Variants in ANKRD63 observed in about 807,000 individuals in gnomAD.
ANKRD63 encodes the protein ankyrin repeat domain-containing protein 63.
ANKRD63 carries 18 observed loss-of-function variants against 21.2 expected under a neutral mutation model. The ratio of observed to expected loss-of-function variants is 0.85; its 90% CI spans 0.59 to 1.26. The LOEUF is 1.26. Ranked by LOEUF, ANKRD63 falls within the 50% of genes most tolerant of loss-of-function variation. The pLI, the probability that ANKRD63 is intolerant of heterozygous loss-of-function variation, is 0.00. For missense variants in ANKRD63, 523 were observed against 570.9 expected (o/e 0.92, Z 0.85); for synonymous variants, 322 against 273.3 (o/e 1.18, Z -1.76).
rs2039560769 is a variant in ANKRD63, at chr15:40,282,738, C to G, written c.-152G>C. Among the ~76,000 whole-genome samples, 1 of 152,196 alleles carries G rather than the reference C, an allele frequency of 6.6e-6. No individual in the cohort carries two copies. Among genetic ancestry groups the G allele is most frequent in the Non-Finnish European group, 1.5e-5 (1 of 68,016 alleles). ...GCCGAGGGTCCCGAGGTTCCTACTC[C>G]GCTGTCCCGGAGGCTCCGACTGCCC... is the stretch of plus-strand genomic sequence containing the variant. On this transcript the variant is annotated 5_prime_UTR_variant, in exon 1 of 1. Transcript: ENST00000434396.
In ANKRD63 at chr15:40,282,032, C is replaced by CGCAGCG. The variant is rs1003636422; in HGVS notation, c.549_554dup (p.Ala185_Ala186dup). 2.5e-6 allele frequency: 3 copies of CGCAGCG among 1,221,226 alleles called. No homozygotes were observed. The African/African-American group carries it at 4.7e-5, about 19-fold the overall frequency. The allele number at this position is 1,221,226 out of a possible 1,614,324, so 75.6% of individuals were successfully genotyped here. On this transcript the variant is annotated inframe_insertion, in exon 1 of 1. Transcript: ENST00000434396. ...GACTATCGGAGTTGGAGCCCCGGGC[C>CGCAGCG]GCAGCGGCGGCGGCGGCGCGGCCCC...
chr15:40,279,010 C>G lies in ANKRD63; in HGVS notation c.*2434G>C, dbSNP rs910058282. 1.3e-5 allele frequency among the ~76,000 whole-genome samples: 2 copies of G among 152,220 alleles called. No individual in the cohort carries two copies. Among genetic ancestry groups the G allele is most frequent in the African/African-American group, 2.4e-5 (1 of 41,458 alleles). On this transcript the variant is annotated 3_prime_UTR_variant, in exon 1 of 1. Transcript: ENST00000434396. Reference sequence around the variant, plus strand: ...CTAAAAACGTCATTAAAATTCAACACAGTTGAAAAGGGAGTACATAAGCAA... The same window carrying G: ...CTAAAAACGTCATTAAAATTCAACAGAGTTGAAAAGGGAGTACATAAGCAA...
Position 40,282,538 on chromosome 15 carries a change from G to A in ANKRD63, c.49C>T (p.Leu17=). 6 of 1,487,042 alleles carry A rather than the reference G, an allele frequency of 4.0e-6. No homozygotes were observed. In the Middle Eastern group the frequency reaches 5.2e-4, roughly 128 times the overall value. 92.1% of individuals were successfully genotyped at this position (1,487,042 alleles called of 1,614,324 possible). ...ACTTTGCCCGCCTGCATGGCCTCCA[G>A]GAAGGTGCGCGTCCCCGCTCGGGGG... is the stretch of plus-strand genomic sequence containing the variant. ...LCPRAGTRTF[L]EAMQAGKVHL... Residue 17 remains leucine (L), a synonymous_variant, in exon 1 of 1, where the codon CTG becomes TTG. Coordinates refer to ENST00000434396, the MANE Select transcript of ANKRD63 (RefSeq NM_001190479.3).
rs756352541 is a variant in ANKRD63, at chr15:40,281,560, C to A, written c.1027G>T (p.Ala343Ser). Residue 343 changes from alanine (A) to serine (S), a missense_variant, in exon 1 of 1, where the codon GCG (alanine) becomes TCG (serine). Physicochemically the swap from Ala to Ser is moderately conservative, Grantham distance 99. Coordinates refer to ENST00000434396, the MANE Select transcript of ANKRD63 (RefSeq NM_001190479.3). ...TCCGGGCCACTCTCGGGCCCTGGCGCCTCCCCGACCAGGCTGGGGATATCT... is the reference window on the plus strand; with the variant it reads ...TCCGGGCCACTCTCGGGCCCTGGCGACTCCCCGACCAGGCTGGGGATATCT... The part of the protein sequence containing the change: ...APDIPSLVGE[A>S]PGPESGPELE... The A allele has an allele frequency of 1.2e-5, 19 of 1,532,120 alleles. No individual in the cohort carries two copies. In the South Asian group the frequency reaches 2.3e-4, roughly 18 times the overall value. 94.9% of individuals were successfully genotyped at this position (1,532,120 alleles called of 1,614,324 possible).
chr15:40,282,074 C>T lies in ANKRD63; in HGVS notation c.513G>A (p.Gln171=), dbSNP rs2141004090. The stretch of plus-strand genomic sequence containing the variant: ...CGCGGCCCCAGGGCCCGGTGAGGGC[C>T]TGCACACAGGTCCCGTGGCCGCGGG... ...AAARGHGTCV[Q]ALTGPWGRAA... The change falls in exon 1 of 1, where the codon CAG becomes CAA. Residue 171 remains glutamine (Q), a synonymous_variant. Coordinates refer to ENST00000434396, the MANE Select transcript of ANKRD63 (RefSeq NM_001190479.3). The T allele has an allele frequency of 7.4e-7, 1 of 1,356,162 alleles. No homozygotes were observed. The highest frequency in any genetic ancestry group is 1.8e-5 in the South Asian group (1 of 55,786). The allele number at this position is 1,356,162 out of a possible 1,614,324, so 84.0% of individuals were successfully genotyped here.
At position 40,282,092 on chromosome 15, in the gene ANKRD63, G is replaced by A. The variant is rs1595613918; in HGVS notation, c.495C>T (p.Gly165=). 7.2e-7 allele frequency: 1 copy of A among 1,381,210 alleles called. No individual in the cohort carries two copies. The highest frequency in any genetic ancestry group is 9.3e-7 in the Non-Finnish European group (1 of 1,078,134). 85.6% of individuals were successfully genotyped at this position (1,381,210 alleles called of 1,614,324 possible). A position where few individuals can be genotyped will look rare whatever the true frequency, so the allele number is the denominator to read the frequency against. Residue 165 remains glycine (G), a synonymous_variant, in exon 1 of 1, where the codon GGC becomes GGT. Coordinates refer to ENST00000434396, the MANE Select transcript of ANKRD63 (RefSeq NM_001190479.3). The stretch of plus-strand genomic sequence containing the variant: ...TGAGGGCCTGCACACAGGTCCCGTG[G>A]CCGCGGGCGGCGGCCAGTTGCAGCG... ...LTALQLAAAR[G]HGTCVQALTG... is the part of the protein sequence containing the mutation.
In ANKRD63 at chr15:40,281,424, G is replaced by A; in HGVS notation, c.*20C>T. The A allele has an allele frequency of 1.5e-6, 2 of 1,374,380 alleles. No individual in the cohort carries two copies. The highest frequency in any genetic ancestry group is 1.7e-5 in the South Asian group (1 of 59,506). 85.1% of individuals were successfully genotyped at this position (1,374,380 alleles called of 1,614,324 possible). On this transcript the variant is annotated 3_prime_UTR_variant, in exon 1 of 1. Coordinates refer to ENST00000434396, the MANE Select transcript of ANKRD63 (RefSeq NM_001190479.3). ...AGAAACGGGAGGGTAGGGGAAGCAG[G>A]CCTCGGGCCTTGGCGCCGTTTACCG...
In ANKRD63 at chr15:40,279,551, G is replaced by A. The variant is rs1029588774; in HGVS notation, c.*1893C>T. 5.3e-5 allele frequency among the ~76,000 whole-genome samples: 8 copies of A among 152,210 alleles called. No individual in the cohort carries two copies. Among genetic ancestry groups the A allele is most frequent in the African/African-American group, 1.4e-4 (6 of 41,458 alleles). On this transcript the variant is annotated 3_prime_UTR_variant, in exon 1 of 1. Coordinates refer to ENST00000434396, the MANE Select transcript of ANKRD63 (RefSeq NM_001190479.3). ...GAGCTCCGAGCCGGGGCGCAGCGGGGAGGGCCCAGCGCTGCCACCAGGGGG... is the reference window on the plus strand; with the variant it reads ...GAGCTCCGAGCCGGGGCGCAGCGGGAAGGGCCCAGCGCTGCCACCAGGGGG...
At position 40,281,883 on chromosome 15, in the gene ANKRD63, G is replaced by A. The variant is rs973230370; in HGVS notation, c.704C>T (p.Ser235Leu). 2 of 1,453,372 alleles carry A rather than the reference G, an allele frequency of 1.4e-6. No homozygotes were observed. Among genetic ancestry groups the A allele is most frequent in the South Asian group, 1.4e-5 (1 of 72,474 alleles). 90.0% of individuals were successfully genotyped at this position (1,453,372 alleles called of 1,614,324 possible). A position where few individuals can be genotyped will look rare whatever the true frequency, so the allele number is the denominator to read the frequency against. ...AAGGHGGEAG[S>L]AGKNSGRHRA... ...GTGCCGGCCCGAATTCTTGCCCGCT[G>A]AGCCAGCCTCGCCGCCGTGGCCGCC... Residue 235 changes from serine to leucine, a missense_variant, in exon 1 of 1, where the codon TCA (serine) becomes TTA (leucine). Around this residue, in one of 2 missense-constraint regions of ANKRD63, gnomAD observed 308 missense variants for 290.4 expected, o/e 1.06. Coordinates refer to ENST00000434396, the MANE Select transcript of ANKRD63 (RefSeq NM_001190479.3).
rs2039523402 is a variant in ANKRD63, at chr15:40,280,001, G to A, written c.*1443C>T. Reference sequence around the variant, plus strand: ...CTCGCTAGGCCAGTATAGGGCAGGAGGGTGGGGGCGAGCAGGCAGGGGACA... The same window carrying A: ...CTCGCTAGGCCAGTATAGGGCAGGAAGGTGGGGGCGAGCAGGCAGGGGACA... On this transcript the variant is annotated 3_prime_UTR_variant, in exon 1 of 1. Coordinates refer to ENST00000434396, the MANE Select transcript of ANKRD63 (RefSeq NM_001190479.3). Among the ~76,000 whole-genome samples, 1 of 152,250 alleles carries A rather than the reference G, an allele frequency of 6.6e-6. No individual in the cohort carries two copies. The highest frequency in any genetic ancestry group is 1.5e-5 in the Non-Finnish European group (1 of 68,034).
chr15:40,282,484 G>A lies in ANKRD63; in HGVS notation c.103C>T (p.Leu35=). Residue 35 remains leucine (L), a synonymous_variant, in exon 1 of 1, where the codon CTG becomes TTG. Coordinates refer to ENST00000434396, the MANE Select transcript of ANKRD63 (RefSeq NM_001190479.3). ...CGGCAGTCGATGATGCTGCGGTCCA[G>A]CGCATCCAACACGAAGCGGGCCAAG... ...VHLARFVLDA[L]DRSIIDCRAE... is the part of the protein sequence containing the mutation. The A allele has an allele frequency of 6.6e-7, 1 of 1,520,358 alleles. No individual in the cohort carries two copies. Among genetic ancestry groups the A allele is most frequent in the Non-Finnish European group, 8.8e-7 (1 of 1,141,524 alleles). 94.2% of individuals were successfully genotyped at this position (1,520,358 alleles called of 1,614,324 possible).
rs762270655 is a variant in ANKRD63, at chr15:40,282,673, C to T, written c.-87G>A. On this transcript the variant is annotated 5_prime_UTR_variant, in exon 1 of 1. Coordinates refer to ENST00000434396, the MANE Select transcript of ANKRD63 (RefSeq NM_001190479.3). ...GCCCCGCGGGGCTCCGGCCTCCGCCCGCGCTCTGATACCTCTCCCTCCGCG... is the reference window on the plus strand; with the variant it reads ...GCCCCGCGGGGCTCCGGCCTCCGCCTGCGCTCTGATACCTCTCCCTCCGCG... 1 of 1,087,154 alleles carries T rather than the reference C, an allele frequency of 9.2e-7. No individual in the cohort carries two copies. The allele number at this position is 1,087,154 out of a possible 1,614,324, so 67.3% of individuals were successfully genotyped here. A position where few individuals can be genotyped will look rare whatever the true frequency, so the allele number is the denominator to read the frequency against.
Position 40,280,085 on chromosome 15 carries a change from C to T in ANKRD63, c.*1359G>A, listed in dbSNP as rs1029482559. 1.3e-5 allele frequency among the ~76,000 whole-genome samples: 2 copies of T among 152,248 alleles called. No individual in the cohort carries two copies. The highest frequency in any genetic ancestry group is 4.8e-5 in the African/African-American group (2 of 41,470). ...TCTCTGCGGTTGCCTCTGACTTACTCATCTACCCAGTAATAAAACTGGGCC... is the reference window on the plus strand; with the variant it reads ...TCTCTGCGGTTGCCTCTGACTTACTTATCTACCCAGTAATAAAACTGGGCC... On this transcript the variant is annotated 3_prime_UTR_variant, in exon 1 of 1. Coordinates refer to ENST00000434396, the MANE Select transcript of ANKRD63 (RefSeq NM_001190479.3).
In ANKRD63 at chr15:40,279,598, C is replaced by T. The variant is rs1479616847; in HGVS notation, c.*1846G>A. Among the ~76,000 whole-genome samples, 1 of 152,208 alleles carries T rather than the reference C, an allele frequency of 6.6e-6. No homozygotes were observed. The highest frequency in any genetic ancestry group is 1.5e-5 in the Non-Finnish European group (1 of 68,042). On this transcript the variant is annotated 3_prime_UTR_variant, in exon 1 of 1. Coordinates refer to ENST00000434396, the MANE Select transcript of ANKRD63 (RefSeq NM_001190479.3). ...GGGGCACCAGAGATCACGTCCAGTGCGCCGGCCTGCTTGGCCTAGCGGATG... is the reference window on the plus strand; with the variant it reads ...GGGGCACCAGAGATCACGTCCAGTGTGCCGGCCTGCTTGGCCTAGCGGATG...
rs1417266963 is a variant in ANKRD63 at position 40,282,141 on chromosome 15, C to G, written c.446G>C (p.Arg149Pro). The G allele has an allele frequency of 1.4e-6, 2 of 1,468,472 alleles. No homozygotes were observed. Among genetic ancestry groups the G allele is most frequent in the Non-Finnish European group, 1.8e-6 (2 of 1,119,522 alleles). 91.0% of individuals were successfully genotyped at this position (1,468,472 alleles called of 1,614,324 possible). Residue 149 changes from arginine (R) to proline (P), a missense_variant, in exon 1 of 1, where the codon CGC becomes CCC. By Grantham distance (103) the Arg-to-Pro change is moderately radical. Around this residue, in one of 2 missense-constraint regions of ANKRD63, gnomAD observed 215 missense variants for 280.4 expected, o/e 0.77. Transcript: ENST00000434396. ...CGCGGTGAGCCCCGCACGGTTGGTG[C>G]GGTCGAGGCGCAGGCCTAGGCGGCG... ...SFRRLGLRLDRTNRAGLTALQ... is the reference protein window; with the variant it reads ...SFRRLGLRLDPTNRAGLTALQ...
Position 40,281,021 on chromosome 15 carries a change from G to A in ANKRD63, c.*423C>T, listed in dbSNP as rs2039535532. 6.6e-6 allele frequency among the ~76,000 whole-genome samples: 1 copy of A among 152,194 alleles called. No homozygotes were observed. Among genetic ancestry groups the A allele is most frequent in the Non-Finnish European group, 1.5e-5 (1 of 68,034 alleles). On this transcript the variant is annotated 3_prime_UTR_variant, in exon 1 of 1. Coordinates refer to ENST00000434396, the MANE Select transcript of ANKRD63 (RefSeq NM_001190479.3). ...GTGGGATTATTGTCAGCATCAGTAG[G>A]CAGAAAGTGGGGAGGCTGGGTCCTT... is the stretch of plus-strand genomic sequence containing the variant.
At position 40,281,548 on chromosome 15, in the gene ANKRD63, C is replaced by G. The variant is rs1031652217; in HGVS notation, c.1039G>C (p.Glu347Gln). 3.3e-6 allele frequency: 5 copies of G among 1,531,198 alleles called. No homozygotes were observed. The highest frequency in any genetic ancestry group is 4.4e-6 in the Non-Finnish European group (5 of 1,144,552). The allele number at this position is 1,531,198 out of a possible 1,614,324, so 94.9% of individuals were successfully genotyped here. The change falls in exon 1 of 1, where the codon GAG becomes CAG. Residue 347 changes from glutamate (E) to glutamine (Q), a missense_variant. By Grantham distance (29) the Glu-to-Gln change is conservative. This residue lies in a region of ANKRD63 where 308 missense variants were observed against 290.4 expected (regional missense o/e 1.06). Transcript: ENST00000434396. ...PSLVGEAPGP[E>Q]SGPELEANAL... is the part of the protein sequence containing the mutation. ...TTGGCCTCTAACTCCGGGCCACTCT[C>G]GGGCCCTGGCGCCTCCCCGACCAGG...
In ANKRD63 at chr15:40,279,212, G is replaced by A. The variant is rs545086950; in HGVS notation, c.*2232C>T. ...GGGAGGGAGAGGGCAGAATACCTCA[G>A]AAACCAAAGCTAGTATCAGAAGAAA... On this transcript the variant is annotated 3_prime_UTR_variant, in exon 1 of 1. Transcript: ENST00000434396. Among the ~76,000 whole-genome samples, 1 of 152,316 alleles carries A rather than the reference G, an allele frequency of 6.6e-6. No individual in the cohort carries two copies. Among genetic ancestry groups the A allele is most frequent in the South Asian group, 2.1e-4 (1 of 4,826 alleles).
chr15:40,281,435 T>G lies in ANKRD63; in HGVS notation c.*9A>C. The G allele has an allele frequency of 7.2e-7, 1 of 1,385,718 alleles. No homozygotes were observed. The highest frequency in any genetic ancestry group is 2.9e-5 in the East Asian group (1 of 34,432). The allele number at this position is 1,385,718 out of a possible 1,614,324, so 85.8% of individuals were successfully genotyped here. A position where few individuals can be genotyped will look rare whatever the true frequency, so the allele number is the denominator to read the frequency against. On this transcript the variant is annotated 3_prime_UTR_variant, in exon 1 of 1. Transcript: ENST00000434396. ...GGTAGGGGAAGCAGGCCTCGGGCCTTGGCGCCGTTTACCGCTGAGCACGCA... is the reference window on the plus strand; with the variant it reads ...GGTAGGGGAAGCAGGCCTCGGGCCTGGGCGCCGTTTACCGCTGAGCACGCA...
Sources: allele counts gnomAD v4.1 joint callset (sites outside exome capture counted in the v4.1 genomes callset), GRCh38; gene constraint gnomAD v4.1.1; regional missense constraint gnomAD v4.1.1; transcripts MANE v1.5; gene names NCBI Gene and HGNC (gene_info 2026-07-23, HGNC 2026-07-21).